Variants in IQGAP1 observed in about 807,000 individuals in gnomAD.
IQGAP1 encodes the protein ras GTPase-activating-like protein IQGAP1.
Under a neutral mutation model 215.6 loss-of-function variants are expected in IQGAP1, and 66 were observed. That is an observed-to-expected ratio of 0.31 (90% CI 0.25 to 0.38). IQGAP1 has a LOEUF of 0.38. Among genes scored for constraint, IQGAP1 ranks in the 10% least tolerant of loss-of-function variants. IQGAP1 has a pLI of 1.00. For synonymous variants in IQGAP1, 772 were observed against 728.7 expected (o/e 1.06, Z -0.96); for missense variants, 1,712 against 1,997.1 (o/e 0.86, Z 2.72).
intron 2 of IQGAP1, among the ~76,000 whole-genome samples, chr15:90,396,745 C>T (rs919223376): frequency 6.6e-6 from 1 of 152,244 alleles, no homozygotes; most frequent in African/African-American, 2.4e-5. Context: ...GTGGTTGAAG[C>T]TGAGTGCTTT....
At chr15:90,422,669 T>G in intron 2 of IQGAP1, among the ~76,000 whole-genome samples, 1 of 130,174 alleles carries the variant, frequency 7.7e-6, no homozygotes, top group South Asian at 2.6e-4. Context: ...TGTATATATA[T>G]ATATATATAT....
intron 2 of IQGAP1, among the ~76,000 whole-genome samples, chr15:90,395,269 C>T (rs1964696643): frequency 6.6e-6 from 1 of 151,820 alleles, no homozygotes; most frequent in South Asian, 2.1e-4. Context: ...ATCCTTTTGC[C>T]TGTTCTTATT....
At chr15:90,463,854 G>T (rs929301307) in intron 15 of IQGAP1, among the ~76,000 whole-genome samples, 1 of 152,062 alleles carries the variant, frequency 6.6e-6, no homozygotes, top group Non-Finnish European at 1.5e-5. Context: ...CTTTCCTTTG[G>T]CCTTATCCTG....
chr15:90,413,384 T>G (rs778468903), intron 2 of IQGAP1, among the ~76,000 whole-genome samples: 17 of 152,134 alleles, frequency 1.1e-4, no homozygotes, highest in Non-Finnish European at 1.8e-4. Context: ...AGGAAAGTTT[T>G]ATTAGAAAGA....
At chr15:90,449,245 C>T (rs146710480) in intron 10 of IQGAP1, among the ~76,000 whole-genome samples, 1 of 152,096 alleles carries the variant, frequency 6.6e-6, no homozygotes, top group African/African-American at 2.4e-5. Flanking sequence ...TTACAAATAT[C>T]CAGCGTACGT....
intron 18 of IQGAP1, among the ~76,000 whole-genome samples, chr15:90,471,210 C>T (rs560861415): frequency 5.3e-5 from 8 of 152,112 alleles, no homozygotes; most frequent in Non-Finnish European, 8.8e-5. Flanking sequence ...TTCTGCAGTT[C>T]AGCAGTCCAG....
Position 90,470,364 on chromosome 15 carries a change from G to A in IQGAP1, c.2179-2476G>A, listed in dbSNP as rs182320749. On this transcript the variant is annotated intron_variant, in intron 18 of 37. Transcript: ENST00000268182. ...TTGTACTTTTTGTGCTCTTCCTCCA[G>A]TGCTTGTCAGGATTTAATGTCTGTC... Among the ~76,000 whole-genome samples, 11 of 152,176 alleles carry A rather than the reference G, an allele frequency of 7.2e-5. No individual in the cohort carries two copies. In the East Asian group the frequency reaches 2.1e-3, roughly 29 times the overall value.
chr15:90,395,150 G>A (rs776898369), intron 2 of IQGAP1, among the ~76,000 whole-genome samples: 2 of 152,134 alleles, frequency 1.3e-5, no homozygotes, highest in African/African-American at 4.8e-5. Context: ...TTAAGCCGCT[G>A]TTCTAATGAG....
At chr15:90,443,157 C>G (rs555815619) in intron 8 of IQGAP1, among the ~76,000 whole-genome samples, 2 of 152,128 alleles carry the variant, frequency 1.3e-5, no homozygotes, top group Non-Finnish European at 1.5e-5. Flanking sequence ...GATGGGGTCT[C>G]GCTATGTTGC....
intron 10 of IQGAP1, 126 bp from the exon 11 acceptor site, chr15:90,449,433 G>A: frequency 1.3e-6 from 1 of 750,696 alleles, no homozygotes; most frequent in Non-Finnish European, 2.1e-6. Flanking sequence ...GCTGCATGTA[G>A]CCTGAGCTGT....
chr15:90,490,403 C>T (rs1328724534), intron 33 of IQGAP1, among the ~76,000 whole-genome samples: 2 of 151,886 alleles, frequency 1.3e-5, no homozygotes, highest in Admixed American at 1.3e-4. Context: ...GCTGAAAGAA[C>T]GAAACAGTGA....
intron 8 of IQGAP1, 64 bp from the exon 9 acceptor site, chr15:90,443,330 T>G: frequency 1.1e-6 from 1 of 936,620 alleles, no homozygotes; most frequent in Non-Finnish European, 1.8e-6. Flanking sequence ...GGAGCACACG[T>G]GTATTTATGT....
chr15:90,456,991 T>C (rs201910555), intron 15 of IQGAP1, among the ~76,000 whole-genome samples: 2 of 135,754 alleles, frequency 1.5e-5, no homozygotes, highest in African/African-American at 5.6e-5. Context: ...GAAAAAAAAA[T>C]ATATATATAT....
At chr15:90,490,565 T>G (rs1432947458) in intron 33 of IQGAP1, among the ~76,000 whole-genome samples, 2 of 152,216 alleles carry the variant, frequency 1.3e-5, no homozygotes, top group Non-Finnish European at 2.9e-5. Flanking sequence ...TCGAGCATGA[T>G]TCCACCTTGT....
At chr15:90,465,043 C>T (rs140555379) in intron 15 of IQGAP1, among the ~76,000 whole-genome samples, 2,240 of 152,320 alleles carry the variant, frequency 0.015, 44 homozygotes, top group African/African-American at 0.051. Flanking sequence ...ATAGTCAACT[C>T]AGACTATGCT....
chr15:90,400,143 C>T (rs1964785184), intron 2 of IQGAP1, among the ~76,000 whole-genome samples: 1 of 146,534 alleles, frequency 6.8e-6, no homozygotes, highest in South Asian at 2.1e-4. Context: ...GGAGACTCTT[C>T]TTGGTTTATA....
At chr15:90,456,360 C>T in intron 15 of IQGAP1, 45 bp downstream of exon 15, 1 of 1,587,088 alleles carries the variant, frequency 6.3e-7, no homozygotes, top group South Asian at 1.1e-5. Context: ...GCACCTCAGC[C>T]CTCCTAGAAC....
rs1966135318 is a variant in IQGAP1, at chr15:90,486,939, C to T, written c.4025-15C>T. ...CTTTATTACGCTGACTCTTTCCACC[C>T]TCCCAAAACTTCAGGGGAAAGCTCT... On this transcript the variant is annotated splice_polypyrimidine_tract_variant and intron_variant, in intron 31 of 37. Coordinates refer to ENST00000268182, the MANE Select transcript of IQGAP1 (RefSeq NM_003870.4). The T allele has an allele frequency of 1.2e-6, 2 of 1,612,880 alleles. No homozygotes were observed. Among genetic ancestry groups the T allele is most frequent in the Non-Finnish European group, 1.7e-6 (2 of 1,179,232 alleles).
At chr15:90,453,325 T>C in intron 13 of IQGAP1, 33 bp downstream of exon 13, 1 of 1,537,428 alleles carries the variant, frequency 6.5e-7, no homozygotes, top group East Asian at 2.3e-5. Context: ...ATAAATCCAT[T>C]ACGTAGCTGT....
Sources: gnomAD v4.1 joint callset for allele counts (sites outside exome capture counted in the v4.1 genomes callset) on GRCh38, gnomAD v4.1.1 for gene constraint, MANE v1.5 for transcripts, NCBI Gene and HGNC (gene_info 2026-07-23, HGNC 2026-07-21) for gene names.